SCHIP1: variants seen among roughly 807,000 people sequenced by gnomAD.
SCHIP1 encodes the protein schwannomin-interacting protein 1.
Under a neutral mutation model 29.7 loss-of-function variants are expected in SCHIP1, and 8 were observed. The ratio of observed to expected loss-of-function variants is 0.27; its 90% CI spans 0.16 to 0.49. SCHIP1 has a LOEUF of 0.49. SCHIP1 is among the 20% of genes least tolerant of loss of function. SCHIP1 has a pLI of 0.99. For synonymous variants in SCHIP1, 76 were observed against 94.9 expected, an observed-to-expected ratio of 0.80 and a Z score of 1.16; for missense variants, 193 against 294.6, an observed-to-expected ratio of 0.66 and a Z score of 2.52.
the SCHIP1 span, among the ~76,000 whole-genome samples, chr3:159,621,744 C>T: frequency 6.6e-6 from 1 of 152,200 alleles, no homozygotes; most frequent in South Asian, 2.1e-4. Context: ...CGTCCCACTG[C>T]AATCTCCGCC....
the SCHIP1 span, among the ~76,000 whole-genome samples, chr3:159,625,768 G>A: frequency 6.6e-6 from 1 of 151,906 alleles, no homozygotes; most frequent in African/African-American, 2.4e-5. Context: ...CCACCCACCT[G>A]CCTCTAGAGT....
At chr3:159,428,242 G>A in the SCHIP1 span, among the ~76,000 whole-genome samples, 48 of 152,200 alleles carry the variant, frequency 3.2e-4, no homozygotes, top group East Asian at 2.5e-3. Flanking sequence ...AGAAGCTACC[G>A]TCAGAGTGAA....
the SCHIP1 span, among the ~76,000 whole-genome samples, chr3:159,525,046 C>T: frequency 2.0e-5 from 3 of 152,184 alleles, no homozygotes; most frequent in East Asian, 3.9e-4. Flanking sequence ...CTTTTCTCTA[C>T]TGGGAAGTTC....
At chr3:159,298,356 A>T in the SCHIP1 span, among the ~76,000 whole-genome samples, 1 of 152,232 alleles carries the variant, frequency 6.6e-6, no homozygotes, top group Non-Finnish European at 1.5e-5. Context: ...CAAATCAACC[A>T]TATAGACCTA....
chr3:159,752,148 C>G, the SCHIP1 span, among the ~76,000 whole-genome samples: 1 of 151,804 alleles, frequency 6.6e-6, no homozygotes, highest in Non-Finnish European at 1.5e-5. Flanking sequence ...CCTGAGGCCT[C>G]CCCTTCTGTA....
the SCHIP1 span, among the ~76,000 whole-genome samples, chr3:159,528,897 C>G: frequency 2.0e-4 from 30 of 152,278 alleles, no homozygotes; most frequent in African/African-American, 7.2e-4. Flanking sequence ...CCAGAACACT[C>G]CAATCTCTGT....
the SCHIP1 span, among the ~76,000 whole-genome samples, chr3:159,833,098 G>A: frequency 1.3e-5 from 2 of 152,170 alleles, no homozygotes; most frequent in Non-Finnish European, 2.9e-5. Context: ...ACATGGATAA[G>A]GAGGGACTAC....
chr3:159,288,018 GAGA>G, the SCHIP1 span, among the ~76,000 whole-genome samples: 13 of 152,276 alleles, frequency 8.5e-5, no homozygotes, highest in African/African-American at 2.4e-4. Context: ...AGATGAGAAA[GAGA>G]AGAAGAAAAG....
the SCHIP1 span, among the ~76,000 whole-genome samples, chr3:159,819,886 C>T: frequency 2.0e-5 from 3 of 152,220 alleles, no homozygotes; most frequent in African/African-American, 7.2e-5. Context: ...ATCTTCCTGT[C>T]ACCCTTAGGT....
chr3:159,318,893 T>G, the SCHIP1 span, among the ~76,000 whole-genome samples: 1 of 152,232 alleles, frequency 6.6e-6, no homozygotes, highest in African/African-American at 2.4e-5. Flanking sequence ...AAACATTCAG[T>G]TTCCACCAAA....
the SCHIP1 span, among the ~76,000 whole-genome samples, chr3:159,723,052 C>G: frequency 6.6e-6 from 1 of 152,176 alleles, no homozygotes; most frequent in African/African-American, 2.4e-5. Flanking sequence ...CTTCCAGGAG[C>G]TGGGTAGGTG....
chr3:159,373,116 C>A, the SCHIP1 span, among the ~76,000 whole-genome samples: 1,367 of 151,786 alleles, frequency 9.0e-3, 33 homozygotes, highest in Admixed American at 0.059. Context: ...CAGAAACATA[C>A]CTTATTTTGA....
the SCHIP1 span, among the ~76,000 whole-genome samples, chr3:159,472,650 G>A: frequency 0.65 from 98,113 of 152,038 alleles, 32,295 homozygotes; most frequent in East Asian, 0.78. Context: ...AAGACATTTA[G>A]AGGCCCTCGG....
At chr3:159,423,857 C>CA in the SCHIP1 span, among the ~76,000 whole-genome samples, 2 of 152,026 alleles carry the variant, frequency 1.3e-5, no homozygotes, top group South Asian at 4.2e-4. Flanking sequence ...TCCTCTGAGA[C>CA]AAAACTTTCA....
the SCHIP1 span, among the ~76,000 whole-genome samples, chr3:159,404,626 G>T: frequency 6.2e-3 from 946 of 152,272 alleles, 13 homozygotes; most frequent in African/African-American, 0.022. Flanking sequence ...GTAGAATAGT[G>T]CACCAGGTAG....
the SCHIP1 span, among the ~76,000 whole-genome samples, chr3:159,405,773 C>T: frequency 2.0e-5 from 3 of 151,484 alleles, no homozygotes; most frequent in Admixed American, 2.0e-4. Flanking sequence ...ATCCCAGCTA[C>T]TCAGGAGGCT....
the SCHIP1 span, among the ~76,000 whole-genome samples, chr3:159,475,497 G>T: frequency 6.6e-6 from 1 of 152,140 alleles, no homozygotes; most frequent in Non-Finnish European, 1.5e-5. Context: ...GTTGGAATTA[G>T]ATAGTGGTGA....
chr3:159,392,387 T>G, the SCHIP1 span, among the ~76,000 whole-genome samples: 4 of 152,120 alleles, frequency 2.6e-5, no homozygotes, highest in Admixed American at 6.5e-5. Flanking sequence ...TGTATACAAG[T>G]GCCATGCTGG....
chr3:159,887,735 A>G, exon 4 of SCHIP1: 1 of 1,614,040 alleles, frequency 6.2e-7, no homozygotes, highest in Admixed American at 1.7e-5. Context: ...CTATTCTGAT[A>G]GAGACACTAC....
Sources: allele counts gnomAD v4.1 joint callset (sites outside exome capture counted in the v4.1 genomes callset), GRCh38; gene constraint gnomAD v4.1.1; transcripts MANE v1.5; gene names NCBI Gene and HGNC (gene_info 2026-07-23, HGNC 2026-07-21).